Variants in CANX observed in about 807,000 individuals in gnomAD.
The protein encoded by CANX is epididymis secretory sperm binding protein.
Under a neutral mutation model 75.7 loss-of-function variants are expected in CANX, and 14 were observed. The ratio of observed to expected loss-of-function variants is 0.19; its 90% CI spans 0.12 to 0.29. The LOEUF (loss-of-function observed/expected upper bound fraction) is 0.29. CANX is among the 10% of genes least tolerant of loss of function. The probability of loss-of-function intolerance (pLI) is 1.00; values close to 1 mark genes in which losing one functional copy is unlikely to be tolerated. For missense variants in CANX, 567 were observed against 713.2 expected (o/e 0.79, Z 2.34); for synonymous variants, 227 against 236.9 (o/e 0.96, Z 0.38).
intron 6 of CANX, among the ~76,000 whole-genome samples, chr5:179,709,413 C>CA (rs1163773074): frequency 0.032 from 3,905 of 123,628 alleles, 81 homozygotes; most frequent in South Asian, 0.045. Context: ...GACTCCATCT[C>CA]AAAAAAAAAA....
At chr5:179,695,644 A>T (rs927170726), upstream of CANX, among the ~76,000 whole-genome samples, 5 of 144,434 alleles carry the variant, frequency 3.5e-5, no homozygotes, top group African/African-American at 1.3e-4. Context: ...TTATTTATTT[A>T]TTTATTTTTA....
At chr5:179,707,602 A>AT (rs1337261559) in intron 4 of CANX, among the ~76,000 whole-genome samples, 2 of 150,784 alleles carry the variant, frequency 1.3e-5, no homozygotes, top group Non-Finnish European at 3.0e-5. Flanking sequence ...AAAAAAAAAA[A>AT]AGATTTTTCC....
At chr5:179,717,311 A>G (rs761382762) in intron 8 of CANX, among the ~76,000 whole-genome samples, 22 of 152,194 alleles carry the variant, frequency 1.4e-4, no homozygotes, top group Non-Finnish European at 3.2e-4. Flanking sequence ...GTTCAGTATT[A>G]TATTCCTTAA....
At chr5:179,682,845 C>G (rs950267744) in intron 1 of CANX, among the ~76,000 whole-genome samples, 1 of 152,014 alleles carries the variant, frequency 6.6e-6, no homozygotes, top group Non-Finnish European at 1.5e-5. Flanking sequence ...AGGCCCTTGA[C>G]ATTCTTGCTA....
chr5:179,698,571 GCGT>G, upstream of CANX: 1 of 1,289,418 alleles, frequency 7.8e-7, no homozygotes, highest in Non-Finnish European at 1.0e-6. Context: ...GGCGCGCGAT[GCGT>G]CCCAAGTCTC....
At chr5:179,702,284 A>G (rs924124627) in intron 1 of CANX, among the ~76,000 whole-genome samples, 1 of 151,762 alleles carries the variant, frequency 6.6e-6, no homozygotes, top group Non-Finnish European at 1.5e-5. Flanking sequence ...CCTGAGCTCA[A>G]GCGATCATCC....
intron 13 of CANX, among the ~76,000 whole-genome samples, chr5:179,725,230 A>G (rs1161760212): frequency 6.6e-6 from 1 of 151,904 alleles, no homozygotes; most frequent in East Asian, 1.9e-4. Context: ...TTTATTTGAT[A>G]TGGTCTGGCC....
intron 1 of CANX, among the ~76,000 whole-genome samples, chr5:179,701,933 G>T (rs1221585953): frequency 6.6e-6 from 1 of 151,772 alleles, no homozygotes; most frequent in African/African-American, 2.4e-5. Flanking sequence ...TAGAGACGGG[G>T]TTTCACCGGG....
chr5:179,700,834 G>C (rs1294823018), intron 1 of CANX: 3 of 152,336 alleles, frequency 2.0e-5, no homozygotes, highest in Admixed American at 6.6e-5. Flanking sequence ...GCAGGCTCAT[G>C]AAACTTGAAT....
chr5:179,691,854 T>C (rs1273089233), intron 1 of CANX, among the ~76,000 whole-genome samples: 1 of 152,150 alleles, frequency 6.6e-6, no homozygotes, highest in Non-Finnish European at 1.5e-5. Flanking sequence ...CTCAGCTCAC[T>C]GCAAGCTCTG....
intron 4 of CANX, among the ~76,000 whole-genome samples, chr5:179,707,812 CA>C (rs1274792756): frequency 6.6e-6 from 1 of 151,996 alleles, no homozygotes; most frequent in African/African-American, 2.4e-5. Context: ...TAATATTTGC[CA>C]AATAAAGTGT....
upstream of CANX, chr5:179,694,087 T>C (rs1776346816): frequency 3.1e-5 from 5 of 159,196 alleles, no homozygotes; most frequent in South Asian, 7.2e-4. Flanking sequence ...GAGGTTGCTG[T>C]GAGCTGAGAT....
intron 1 of CANX, chr5:179,700,380 TCA>T (rs573461559): frequency 4.6e-4 from 70 of 152,286 alleles, no homozygotes; most frequent in African/African-American, 1.6e-3. Context: ...ATTCTGTATC[TCA>T]GTCTTTTCCC....
chr5:179,704,686 A>G (rs139221200), intron 1 of CANX, among the ~76,000 whole-genome samples: 2,650 of 152,026 alleles, frequency 0.017, 78 homozygotes, highest in African/African-American at 0.057. Flanking sequence ...AAGTACAAAA[A>G]TTAGCCGGGC....
chr5:179,691,809 G>A (rs1306931459), intron 1 of CANX, among the ~76,000 whole-genome samples: 1 of 151,786 alleles, frequency 6.6e-6, no homozygotes, highest in African/African-American at 2.4e-5. Context: ...ACGGAGTCTC[G>A]CTCTGTCGCC....
intron 1 of CANX, among the ~76,000 whole-genome samples, chr5:179,680,290 C>CG: frequency 6.6e-6 from 1 of 152,142 alleles, no homozygotes; most frequent in Middle Eastern, 3.4e-3. Flanking sequence ...ATTAGAAAGC[C>CG]GGGGTTAGAT....
At chr5:179,713,942 T>G (rs1777750527) in intron 7 of CANX, among the ~76,000 whole-genome samples, 1 of 152,036 alleles carries the variant, frequency 6.6e-6, no homozygotes, top group Admixed American at 6.6e-5. Flanking sequence ...AGGTAAATGT[T>G]TAAGGTTACA....
intron 12 of CANX, 53 bp downstream of exon 12, chr5:179,723,832 A>T: frequency 6.8e-7 from 1 of 1,481,082 alleles, no homozygotes; most frequent in Non-Finnish European, 9.2e-7. Context: ...TCTAGTGATT[A>T]TTAAAAATAA....
At chr5:179,683,893 ATGT>A (rs1433720849) in intron 1 of CANX, among the ~76,000 whole-genome samples, 1 of 152,140 alleles carries the variant, frequency 6.6e-6, no homozygotes, top group African/African-American at 2.4e-5. Flanking sequence ...AGATTTATCC[ATGT>A]TGTTGCATTT....
Sources: allele counts gnomAD v4.1 joint callset (sites outside exome capture counted in the v4.1 genomes callset), GRCh38; gene constraint gnomAD v4.1.1; transcripts MANE v1.5; gene names NCBI Gene and HGNC (gene_info 2026-07-23, HGNC 2026-07-21).